SH2D6: variants seen among roughly 807,000 people sequenced by gnomAD.
The protein encoded by SH2D6 is SH2 domain-containing protein 6.
SH2D6 carries 31 observed loss-of-function variants against 30.2 expected under a neutral mutation model. The ratio of observed to expected loss-of-function variants is 1.03; its 90% CI spans 0.77 to 1.38. The LOEUF (loss-of-function observed/expected upper bound fraction) is 1.38, where lower values mean the gene tolerates loss of function less well. Among genes scored for constraint, SH2D6 ranks in the 40% most tolerant of loss-of-function variants. The pLI is 0.00. For missense variants in SH2D6, 240 were observed against 266.8 expected, an observed-to-expected ratio of 0.90 and a Z score of 0.70; for synonymous variants, 93 against 104.6, an observed-to-expected ratio of 0.89 and a Z score of 0.68.
At chr2:85,419,889 T>C (rs979681053) in intron 2 of SH2D6, among the ~76,000 whole-genome samples, 10 of 152,234 alleles carry the variant, frequency 6.6e-5, no homozygotes, top group African/African-American at 2.2e-4. Flanking sequence ...GTGGGGTTCA[T>C]ATTAACTGGT....
At chr2:85,421,157 T>C (rs781351892) in intron 2 of SH2D6, among the ~76,000 whole-genome samples, 1 of 152,212 alleles carries the variant, frequency 6.6e-6, no homozygotes, top group Non-Finnish European at 1.5e-5. Flanking sequence ...AGGGCCATGT[T>C]ACATTTGGTG....
chr2:85,426,179 C>T (rs1688035532), intron 6 of SH2D6, among the ~76,000 whole-genome samples: 1 of 152,176 alleles, frequency 6.6e-6, no homozygotes, highest in African/African-American at 2.4e-5. Flanking sequence ...GAGCCACCTC[C>T]ATCTTCCTCC....
chr2:85,421,655 T>A (rs1465663649), intron 2 of SH2D6: 4 of 152,150 alleles, frequency 2.6e-5, no homozygotes, highest in Non-Finnish European at 5.9e-5. Context: ...ACAGTCTAGC[T>A]GTGAAATAAA....
chr2:85,436,522 T>C lies in SH2D6; in HGVS notation c.948T>C (p.Leu316=). Residue 316 remains leucine (L), a synonymous_variant, in exon 23 of 24, where the codon CTT becomes CTC. Transcript: ENST00000469800. ...VQHFMWHPLP[L]VDRHSGSREL... is the part of the protein sequence containing the mutation. The stretch of plus-strand genomic sequence containing the variant: ...ACTTCATGTGGCACCCTCTGCCCCT[T>C]GTGGACAGACACAGCGGCAGCCGGG... 3.1e-6 allele frequency: 5 copies of C among 1,613,748 alleles called. No homozygotes were observed. The highest frequency in any genetic ancestry group is 3.3e-4 in the Middle Eastern group (2 of 6,062).
chr2:85,431,198 G>T lies in SH2D6; in HGVS notation c.251-12G>T, dbSNP rs72838544. The T allele has an allele frequency of 7.3e-6, 1 of 137,850 alleles. No individual in the cohort carries two copies. Among genetic ancestry groups the T allele is most frequent in the Non-Finnish European group, 1.6e-5 (1 of 63,986 alleles). 8.5% of individuals were successfully genotyped at this position (137,850 alleles called of 1,614,324 possible). A position where few individuals can be genotyped will look rare whatever the true frequency, so the allele number is the denominator to read the frequency against. On this transcript the variant is annotated splice_polypyrimidine_tract_variant and intron_variant, in intron 12 of 23. Coordinates refer to ENST00000469800, the MANE Select transcript of SH2D6 (RefSeq NM_001394463.1). ...GAACCCACCAACTCACAACAAATGC[G>T]ATCTTTTCCAGATCACTCTGGCCCC...
Position 85,433,198 on chromosome 2 carries a change from G to C in SH2D6, c.393+77G>C, listed in dbSNP as rs1379531951. On this transcript the variant is annotated intron_variant, in intron 15 of 23. Coordinates refer to ENST00000469800, the MANE Select transcript of SH2D6 (RefSeq NM_001394463.1). The stretch of plus-strand genomic sequence containing the variant: ...CTGGCAGGGGTGGGGTGGGGCCTAG[G>C]GAGGGCCAGGAAATATCCCTGAAAC... 4.4e-6 allele frequency: 4 copies of C among 915,012 alleles called. No homozygotes were observed. In the East Asian group the frequency reaches 3.6e-4, roughly 81 times the overall value. 56.7% of individuals were successfully genotyped at this position (915,012 alleles called of 1,614,324 possible).
rs1350793137 is a variant in SH2D6 at position 85,432,955 on chromosome 2, T to G, written c.371-144T>G. 4 of 594,568 alleles carry G rather than the reference T, an allele frequency of 6.7e-6. No homozygotes were observed. The East Asian group carries it at 5.6e-4, about 84-fold the overall frequency. The allele number at this position is 594,568 out of a possible 1,614,324, so 36.8% of individuals were successfully genotyped here. A position where few individuals can be genotyped will look rare whatever the true frequency, so the allele number is the denominator to read the frequency against. ...AGAACCATCAGGGGATGAGAAAAGC[T>G]TTCTCCTGGGGCTTCAAAGCTGGCT... On this transcript the variant is annotated intron_variant, in intron 14 of 23. Coordinates refer to ENST00000469800, the MANE Select transcript of SH2D6 (RefSeq NM_001394463.1).
rs926260634 is a variant in SH2D6, at chr2:85,432,782, C to T, written c.371-317C>T. On this transcript the variant is annotated intron_variant, in intron 14 of 23. Coordinates refer to ENST00000469800, the MANE Select transcript of SH2D6 (RefSeq NM_001394463.1). ...AACTCCTCACCTCAAGTGATCTGCCCGCCTCAGCCTCCCAAAGTGCTGGGA... is the reference window on the plus strand; with the variant it reads ...AACTCCTCACCTCAAGTGATCTGCCTGCCTCAGCCTCCCAAAGTGCTGGGA... Among the ~76,000 whole-genome samples, 5 of 152,072 alleles carry T rather than the reference C, an allele frequency of 3.3e-5. No homozygotes were observed. In the East Asian group the frequency reaches 7.8e-4, roughly 24 times the overall value.
chr2:85,433,721 C>G (rs1263221148), intron 16 of SH2D6, 90 bp downstream of exon 16: 1 of 990,678 alleles, frequency 1.0e-6, no homozygotes, highest in East Asian at 4.5e-5. Flanking sequence ...ATCTGCTTCC[C>G]TTGCTGCCTC....
chr2:85,426,363 G>C (rs181184692), intron 6 of SH2D6, among the ~76,000 whole-genome samples: 4 of 152,330 alleles, frequency 2.6e-5, no homozygotes, highest in Non-Finnish European at 5.9e-5. Context: ...GATGTTGGCT[G>C]TGTTAGGCCT....
intron 5 of SH2D6, among the ~76,000 whole-genome samples, chr2:85,424,974 G>A (rs1012764249): frequency 6.6e-6 from 1 of 151,496 alleles, no homozygotes; most frequent in Non-Finnish European, 1.5e-5. Flanking sequence ...GCTGAAAAAG[G>A]AGAATCGCTT....
chr2:85,436,524 T>G lies in SH2D6; in HGVS notation c.950T>G (p.Val317Gly). Reference sequence around the variant, plus strand: ...TTCATGTGGCACCCTCTGCCCCTTGTGGACAGACACAGCGGCAGCCGGGAA... The same window carrying G: ...TTCATGTGGCACCCTCTGCCCCTTGGGGACAGACACAGCGGCAGCCGGGAA... ...QHFMWHPLPL[V>G]DRHSGSRELT... The change falls in exon 23 of 24, where the codon GTG becomes GGG. Residue 317 changes from valine (V) to glycine (G), a missense_variant. Val to Gly is a moderately radical substitution (Grantham distance 109). Transcript: ENST00000469800. 5 of 1,613,738 alleles carry G rather than the reference T, an allele frequency of 3.1e-6. No individual in the cohort carries two copies. Among genetic ancestry groups the G allele is most frequent in the Non-Finnish European group, 3.4e-6 (4 of 1,180,006 alleles).
At chr2:85,435,012 C>T (rs1273372172) in intron 19 of SH2D6, 53 bp from the exon 20 acceptor site, 2 of 1,012,442 alleles carry the variant, frequency 2.0e-6, no homozygotes, top group Admixed American at 2.8e-5. Flanking sequence ...GCCACCTTTG[C>T]CCACCCCCAC....
chr2:85,433,238 C>T (rs1276694720), intron 15 of SH2D6, 117 bp downstream of exon 15: 3 of 743,630 alleles, frequency 4.0e-6, no homozygotes, highest in African/African-American at 3.8e-5. Context: ...GGAAAAGGCC[C>T]AGAGCAGGGC....
intron 20 of SH2D6, 70 bp from the exon 21 acceptor site, chr2:85,435,343 C>T (rs1689311283): frequency 1.3e-6 from 2 of 1,530,420 alleles, no homozygotes; most frequent in South Asian, 2.3e-5. Flanking sequence ...TAACTGCACC[C>T]TGGGTCCTCG....
chr2:85,425,980 G>C (rs1213448733), intron 6 of SH2D6, among the ~76,000 whole-genome samples: 2 of 152,196 alleles, frequency 1.3e-5, no homozygotes, highest in African/African-American at 4.8e-5. Flanking sequence ...TGGAAACGAG[G>C]ATTCATGAGG....
rs543437721 is a variant in SH2D6 at position 85,422,848 on chromosome 2, G to A, written c.-309+158G>A. Among the ~76,000 whole-genome samples, 19 of 152,290 alleles carry A rather than the reference G, an allele frequency of 1.2e-4. No homozygotes were observed. The East Asian group carries it at 3.7e-3, about 29-fold the overall frequency. On this transcript the variant is annotated intron_variant, in intron 5 of 23. Coordinates refer to ENST00000469800, the MANE Select transcript of SH2D6 (RefSeq NM_001394463.1). ...GAGAAGAACTAGTGGAATGCCTTCC[G>A]GAAAAACAGAGACAAACTACACACC...
intron 19 of SH2D6, 49 bp from the exon 20 acceptor site, chr2:85,435,016 C>CCCCCACCCCA (rs748365171): frequency 2.7e-6 from 4 of 1,508,006 alleles, no homozygotes; most frequent in Admixed American, 4.4e-5. Context: ...CCTTTGCCCA[C>CCCCCACCCCA]CCCCACCCCA....
intron 19 of SH2D6, 141 bp downstream of exon 19, chr2:85,434,638 A>C: frequency 1.7e-6 from 2 of 1,210,874 alleles, no homozygotes; most frequent in Non-Finnish European, 2.2e-6. Context: ...AAAAAAAACT[A>C]GGTGAATGCA....
Sources: gnomAD v4.1 joint callset for allele counts (sites outside exome capture counted in the v4.1 genomes callset) on GRCh38, gnomAD v4.1.1 for gene constraint, MANE v1.5 for transcripts, NCBI Gene and HGNC (gene_info 2026-07-23, HGNC 2026-07-21) for gene names.